MIAT: variants seen among roughly 807,000 people sequenced by gnomAD.
MIAT encodes myocardial infarction associated transcript.
intron 2 of MIAT, among the ~76,000 whole-genome samples, chr22:26,649,611 TAA>T (rs1930301145): frequency 6.6e-6 from 1 of 152,016 alleles, no homozygotes; most frequent in Admixed American, 6.6e-5. Context: ...CCTTCAACCA[TAA>T]GAGATAAAAG....
intron 2 of MIAT, among the ~76,000 whole-genome samples, chr22:26,661,917 CATATATATATATATATATATAT>C (rs58654108): frequency 0.16 from 12,524 of 80,650 alleles, 1,386 homozygotes; most frequent in East Asian, 0.53. Flanking sequence ...TATATAGATC[CATATATATATATATATATATAT>C]ATATATATAT....
chr22:26,673,501 C>T, downstream of MIAT: 4 of 398,744 alleles, frequency 1.0e-5, no homozygotes, highest in Non-Finnish European at 1.8e-5. Context: ...TTTCCTTCAC[C>T]TTGACTAACT....
exon 4 of MIAT, chr22:26,666,206 A>C: frequency 2.5e-6 from 1 of 398,660 alleles, no homozygotes; most frequent in South Asian, 1.3e-4. Context: ...AAGACAGCAC[A>C]GTTGTTACCA....
chr22:26,668,678 C>T (rs1183203419), exon 6 of MIAT: 2 of 399,154 alleles, frequency 5.0e-6, no homozygotes, highest in Middle Eastern at 6.3e-4. Context: ...GATGCAGCTC[C>T]TCGGGTGCCG....
chr22:26,670,651 GCACTACTGAAGTAGTGCAGGACTT>G, downstream of MIAT: 1 of 387,972 alleles, frequency 2.6e-6, no homozygotes, highest in Admixed American at 4.6e-5. Context: ...AAATTCCGCT[GCACTACTGAAGTAGTGCAGGACTT>G]ATCAGAACCT....
intron 2 of MIAT, among the ~76,000 whole-genome samples, chr22:26,651,856 T>C (rs941541206): frequency 1.3e-5 from 2 of 152,190 alleles, no homozygotes; most frequent in Admixed American, 1.3e-4. Flanking sequence ...GTGTGGGGTG[T>C]TATTTTGGGG....
chr22:26,651,890 G>C (rs968803986), intron 2 of MIAT, among the ~76,000 whole-genome samples: 3 of 152,218 alleles, frequency 2.0e-5, no homozygotes, highest in African/African-American at 7.2e-5. Flanking sequence ...CTTGGAACTA[G>C]CTAGACCTGG....
At chr22:26,663,530 C>T (rs1011791860) in intron 3 of MIAT, 8 of 393,340 alleles carry the variant, frequency 2.0e-5, no homozygotes, top group African/African-American at 2.1e-5. Flanking sequence ...CTTCTGATGA[C>T]CCTCTGGGTT....
At chr22:26,650,077 A>G (rs1668866803) in intron 2 of MIAT, among the ~76,000 whole-genome samples, 1 of 152,218 alleles carries the variant, frequency 6.6e-6, no homozygotes, top group Non-Finnish European at 1.5e-5. Flanking sequence ...TCAAATTCTT[A>G]TGTTGAATTC....
intron 2 of MIAT, among the ~76,000 whole-genome samples, chr22:26,653,750 A>G (rs1158200897): frequency 6.6e-6 from 1 of 151,978 alleles, no homozygotes; most frequent in South Asian, 2.1e-4. Flanking sequence ...TCCCAATTCA[A>G]CCTCCCTTCT....
intron 2 of MIAT, among the ~76,000 whole-genome samples, chr22:26,647,622 GC>G (rs1930258075): frequency 6.6e-6 from 1 of 152,130 alleles, no homozygotes; most frequent in African/African-American, 2.4e-5. Context: ...TGGGCTGGGG[GC>G]CAGCCATGGC....
intron 2 of MIAT, among the ~76,000 whole-genome samples, chr22:26,648,293 T>A (rs755648495): frequency 6.6e-6 from 1 of 152,084 alleles, no homozygotes; most frequent in Non-Finnish European, 1.5e-5. Flanking sequence ...CTGCCCCGCT[T>A]CTCTGTTGTC....
chr22:26,665,491 C>A, intron 3 of MIAT: 1 of 398,678 alleles, frequency 2.5e-6, no homozygotes, highest in Non-Finnish European at 4.4e-6. Flanking sequence ...CACTGTGGAT[C>A]AAGCCAGGCT....
intron 2 of MIAT, among the ~76,000 whole-genome samples, chr22:26,654,022 G>C (rs1930381965): frequency 1.3e-5 from 2 of 152,168 alleles, no homozygotes; most frequent in Admixed American, 1.3e-4. Flanking sequence ...TTACAGGCGT[G>C]AGCCACCACG....
chr22:26,654,341 G>C (rs1930387072), intron 2 of MIAT, among the ~76,000 whole-genome samples: 1 of 152,082 alleles, frequency 6.6e-6, no homozygotes, highest in African/African-American at 2.4e-5. Flanking sequence ...TGAAAGTTTG[G>C]GGTGAACAGG....
downstream of MIAT, chr22:26,671,048 A>G: frequency 2.5e-6 from 1 of 398,338 alleles, no homozygotes; most frequent in Non-Finnish European, 4.4e-6. Flanking sequence ...GATGTCTACT[A>G]AGCACGGTTG....
At chr22:26,675,927 T>C (rs1198423936) in exon 5 of MIAT, 1 of 398,540 alleles carries the variant, frequency 2.5e-6, no homozygotes, top group East Asian at 3.6e-5. Context: ...AGATTGGCGA[T>C]GGTTGTGAGA....
chr22:26,668,328 C>G (rs1015004211), exon 6 of MIAT: 9 of 398,520 alleles, frequency 2.3e-5, no homozygotes, highest in Admixed American at 1.3e-4. Context: ...TGGGATGGAG[C>G]CTCCCATGGA....
intron 2 of MIAT, among the ~76,000 whole-genome samples, chr22:26,651,469 T>G (rs1226768485): frequency 6.6e-6 from 1 of 152,118 alleles, no homozygotes; most frequent in African/African-American, 2.4e-5. Flanking sequence ...AAGCCCACCT[T>G]GCTACTGACT....
Sources: allele counts gnomAD v4.1 joint callset (sites outside exome capture counted in the v4.1 genomes callset), GRCh38; gene constraint gnomAD v4.1.1; transcripts MANE v1.5; gene names NCBI Gene and HGNC (gene_info 2026-07-23, HGNC 2026-07-21).